IL1RAPL2: variants seen among roughly 807,000 people sequenced by gnomAD.
IL1RAPL2 encodes interleukin 1 receptor accessory protein like 2, also known as X-linked interleukin-1 receptor accessory protein-like 2.
A neutral mutation model predicts 44.1 loss-of-function variants in IL1RAPL2; 3 were observed. The ratio of observed to expected loss-of-function variants is 0.07; its 90% CI spans 0.03 to 0.18. The LOEUF (loss-of-function observed/expected upper bound fraction) is 0.18. IL1RAPL2 is among the 10% of genes least tolerant of loss of function. The probability of loss-of-function intolerance (pLI) is 1.00; values close to 1 mark genes in which losing one functional copy is unlikely to be tolerated. For synonymous variants in IL1RAPL2, 181 were observed against 178.8 expected (o/e 1.01, Z -0.10); for missense variants, 391 against 496.4 (o/e 0.79, Z 2.02).
intron 2 of IL1RAPL2, among the ~76,000 whole-genome samples, chrX:104,849,136 G>A (rs981508531): frequency 1.9e-5 from 2 of 108,073 alleles, no homozygotes; most frequent in Non-Finnish European, 3.8e-5. Flanking sequence ...CTCAGGTGAT[G>A]CTCCCACCTC....
chrX:105,589,987 A>AT (rs1230017593), intron 6 of IL1RAPL2, among the ~76,000 whole-genome samples: 3 of 111,946 alleles, frequency 2.7e-5, no homozygotes, highest in African/African-American at 9.8e-5. Context: ...CTTTAACAAT[A>AT]TTGATTATTC....
At chrX:104,603,765 A>G (rs1192101497) in intron 1 of IL1RAPL2, among the ~76,000 whole-genome samples, 1 of 112,213 alleles carries the variant, frequency 8.9e-6, no homozygotes, top group East Asian at 2.8e-4. Flanking sequence ...AAAAAGAATG[A>G]AAAGGAATGA....
chrX:105,058,761 G>A (rs1275923176), intron 2 of IL1RAPL2, among the ~76,000 whole-genome samples: 1 of 111,968 alleles, frequency 8.9e-6, no homozygotes, highest in East Asian at 2.8e-4. Flanking sequence ...ATAACATGGA[G>A]AAGGTATGCA....
At chrX:105,487,039 C>G (rs1227736798) in intron 6 of IL1RAPL2, among the ~76,000 whole-genome samples, 2 of 99,463 alleles carry the variant, frequency 2.0e-5, no homozygotes, top group African/African-American at 7.6e-5. Flanking sequence ...TTGCAGTGAG[C>G]TGAGATCATG....
At chrX:104,935,865 C>T (rs1234858641) in intron 2 of IL1RAPL2, among the ~76,000 whole-genome samples, 1 of 111,349 alleles carries the variant, frequency 9.0e-6, no homozygotes, top group Non-Finnish European at 1.9e-5. Context: ...ATGCAGTCTA[C>T]TAAGAGCAGA....
At chrX:105,210,767 A>G (rs1456253033) in intron 3 of IL1RAPL2, among the ~76,000 whole-genome samples, 1 of 111,273 alleles carries the variant, frequency 9.0e-6, no homozygotes, top group Non-Finnish European at 1.9e-5. Context: ...GAAACAAACT[A>G]ATGTCACATC....
At chrX:105,045,832 A>G (rs1050063242) in intron 2 of IL1RAPL2, among the ~76,000 whole-genome samples, 7 of 111,368 alleles carry the variant, frequency 6.3e-5, no homozygotes, top group African/African-American at 2.0e-4. Context: ...CAAAGTGCTG[A>G]GATTACAGGT....
At chrX:105,090,689 G>T (rs1227597538) in intron 2 of IL1RAPL2, among the ~76,000 whole-genome samples, 1 of 112,324 alleles carries the variant, frequency 8.9e-6, no homozygotes, top group African/African-American at 3.2e-5. Context: ...TATAAAAGTT[G>T]AGGACATCCT....
At chrX:104,931,879 T>C (rs1924907188) in intron 2 of IL1RAPL2, among the ~76,000 whole-genome samples, 1 of 109,647 alleles carries the variant, frequency 9.1e-6, no homozygotes, top group African/African-American at 3.3e-5. Context: ...TCAGTGACTT[T>C]GTTAATACTG....
intron 1 of IL1RAPL2, among the ~76,000 whole-genome samples, chrX:104,630,810 G>T (rs1202551010): frequency 1.9e-5 from 2 of 106,439 alleles, no homozygotes; most frequent in African/African-American, 6.9e-5. Flanking sequence ...TCATTTGTTT[G>T]TCTCATTCAT....
chrX:104,782,017 T>C (rs1191904296), intron 2 of IL1RAPL2, among the ~76,000 whole-genome samples: 1 of 111,715 alleles, frequency 9.0e-6, no homozygotes, highest in Non-Finnish European at 1.9e-5. Context: ...GCAAGAAGGC[T>C]CCATCTCTGA....
At position 105,589,640 on chromosome X, in the gene IL1RAPL2, T is replaced by C. The variant is rs192891392; in HGVS notation, c.772+105253T>C. Among the ~76,000 whole-genome samples, 21 of 111,226 alleles carry C rather than the reference T, an allele frequency of 1.9e-4. No individual in the cohort carries two copies. In the East Asian group the frequency reaches 5.9e-3, roughly 31 times the overall value. ...GCAGCATTTTTTGAATAGGGAGTTTTTCCCTATTGCCTGTTGTTGTGAACT... is the reference window on the plus strand; with the variant it reads ...GCAGCATTTTTTGAATAGGGAGTTTCTCCCTATTGCCTGTTGTTGTGAACT... On this transcript the variant is annotated intron_variant, in intron 6 of 10. Coordinates refer to ENST00000372582, the MANE Select transcript of IL1RAPL2 (RefSeq NM_017416.2).
chrX:104,811,564 G>A (rs1328667917), intron 2 of IL1RAPL2, among the ~76,000 whole-genome samples: 4 of 110,899 alleles, frequency 3.6e-5, no homozygotes, highest in African/African-American at 1.3e-4. Flanking sequence ...GCAAAGCAGA[G>A]TAAGGAGGAA....
intron 1 of IL1RAPL2, among the ~76,000 whole-genome samples, chrX:104,601,462 T>C (rs761209324): frequency 1.8e-5 from 2 of 111,934 alleles, no homozygotes; most frequent in South Asian, 7.5e-4. Flanking sequence ...GGGGTACATG[T>C]GCAGGTTTGT....
At chrX:105,034,345 C>G (rs781351053) in intron 2 of IL1RAPL2, among the ~76,000 whole-genome samples, 1 of 111,839 alleles carries the variant, frequency 8.9e-6, no homozygotes, top group Admixed American at 9.5e-5. Context: ...TTTTCCCCAT[C>G]TTTGTGGTTT....
chrX:104,859,422 C>CA (rs1390406114), intron 2 of IL1RAPL2, among the ~76,000 whole-genome samples: 74 of 257 alleles, frequency 0.29, no homozygotes, highest in Non-Finnish European at 0.32. Context: ...GTAATCTTAC[C>CA]GACTTAGTTC....
intron 2 of IL1RAPL2, among the ~76,000 whole-genome samples, chrX:104,685,355 T>C (rs1930967249): frequency 8.9e-6 from 1 of 112,068 alleles, no homozygotes; most frequent in African/African-American, 3.2e-5. Flanking sequence ...CTTTTATCTA[T>C]TTGCACCTGC....
At position 104,706,133 on chromosome X, in the gene IL1RAPL2, G is replaced by C. The variant is rs192375571; in HGVS notation, c.82+47138G>C. Among the ~76,000 whole-genome samples the C allele has an allele frequency of 2.7e-5, 3 of 111,143 alleles. No individual in the cohort carries two copies. The Admixed American group carries it at 2.9e-4, about 11-fold the overall frequency. On this transcript the variant is annotated intron_variant, in intron 2 of 10. Transcript: ENST00000372582. ...CTGACAATGATGTTGCAGAGCCCTAGATTTTTGCCCCAACTCTGCCATTAA... is the reference window on the plus strand; with the variant it reads ...CTGACAATGATGTTGCAGAGCCCTACATTTTTGCCCCAACTCTGCCATTAA...
chrX:104,909,946 G>C (rs1174683719), intron 2 of IL1RAPL2, among the ~76,000 whole-genome samples: 3 of 112,206 alleles, frequency 2.7e-5, no homozygotes, highest in Admixed American at 9.4e-5. Flanking sequence ...GCGCCCCTCC[G>C]CCAGCCTCGC....
Sources: gnomAD v4.1 joint callset for allele counts (sites outside exome capture counted in the v4.1 genomes callset) on GRCh38, gnomAD v4.1.1 for gene constraint, MANE v1.5 for transcripts, NCBI Gene and HGNC (gene_info 2026-07-23, HGNC 2026-07-21) for gene names.